The following ZDHHC14 variants were observed in gnomAD, a reference collection of about 807,000 sequenced individuals.
The protein encoded by ZDHHC14 is palmitoyltransferase ZDHHC14.
ZDHHC14 carries 16 observed loss-of-function variants against 47.7 expected under a neutral mutation model. The ratio of observed to expected loss-of-function variants is 0.34; its 90% confidence interval spans 0.23 to 0.51. ZDHHC14 has a LOEUF of 0.51. Ranked by LOEUF, ZDHHC14 falls within the 20% of genes least tolerant of loss-of-function variation. The probability of loss-of-function intolerance (pLI) is 0.97; values close to 1 mark genes in which losing one functional copy is unlikely to be tolerated. For missense variants in ZDHHC14, 515 were observed against 662.5 expected (o/e 0.78, Z 2.44); for synonymous variants, 293 against 278.9 (o/e 1.05, Z -0.50).
chr6:157,592,801 A>G, intron 2 of ZDHHC14, 187 bp from the exon 3 acceptor site: 3 of 1,412,876 alleles, frequency 2.1e-6, no homozygotes, highest in Non-Finnish European at 2.8e-6. Context: ...GCACGTGTGC[A>G]ACGAAGGAGG....
chr6:157,484,306 C>CATATATAT (rs1042050871), intron 1 of ZDHHC14, among the ~76,000 whole-genome samples: 1 of 90,160 alleles, frequency 1.1e-5, no homozygotes, highest in East Asian at 3.3e-4. Flanking sequence ...TATATATATA[C>CATATATAT]ATATATATAC....
intron 1 of ZDHHC14, among the ~76,000 whole-genome samples, chr6:157,383,193 T>C (rs2251507): frequency 0.85 from 129,262 of 152,256 alleles, 55,028 homozygotes; most frequent in Middle Eastern, 0.96. Context: ...CAATCAATTT[T>C]GGTTGCTTTT....
chr6:157,492,099 C>T (rs1779933152), intron 1 of ZDHHC14, among the ~76,000 whole-genome samples: 1 of 152,120 alleles, frequency 6.6e-6, no homozygotes, highest in Admixed American at 6.5e-5. Context: ...AGCAGCCCTC[C>T]AGGCAGGTGC....
chr6:157,424,682 A>G (rs1222025460), intron 1 of ZDHHC14, among the ~76,000 whole-genome samples: 2 of 152,218 alleles, frequency 1.3e-5, no homozygotes, highest in Non-Finnish European at 2.9e-5. Flanking sequence ...GATTTTAGTA[A>G]CATGGGGATA....
chr6:157,470,122 C>T (rs905009213), intron 1 of ZDHHC14, among the ~76,000 whole-genome samples: 3 of 152,196 alleles, frequency 2.0e-5, no homozygotes, highest in Non-Finnish European at 4.4e-5. Flanking sequence ...TATGTTCTCT[C>T]ATAGCCAAAA....
chr6:157,657,598 G>A (rs986991715), intron 8 of ZDHHC14, among the ~76,000 whole-genome samples: 15 of 152,168 alleles, frequency 9.9e-5, no homozygotes, highest in Admixed American at 6.5e-4. Context: ...TGCTAAAGAA[G>A]CCCTCCATCA....
At chr6:157,430,955 A>C (rs1778327265) in intron 1 of ZDHHC14, among the ~76,000 whole-genome samples, 1 of 152,228 alleles carries the variant, frequency 6.6e-6, no homozygotes, top group Admixed American at 6.5e-5. Flanking sequence ...TTACTTGTAA[A>C]GCCAGGTTAT....
chr6:157,531,026 G>C (rs951275475), intron 1 of ZDHHC14, among the ~76,000 whole-genome samples: 5 of 151,958 alleles, frequency 3.3e-5, no homozygotes, highest in African/African-American at 1.2e-4. Flanking sequence ...GAGATCGTTA[G>C]CTCAGAGGAG....
chr6:157,618,291 T>G (rs1785045671), intron 3 of ZDHHC14, among the ~76,000 whole-genome samples: 3 of 151,964 alleles, frequency 2.0e-5, no homozygotes, highest in South Asian at 4.2e-4. Flanking sequence ...ACGAAGACCG[T>G]TTTTGAGGCT....
chr6:157,639,841 A>T (rs1777163183), intron 5 of ZDHHC14, among the ~76,000 whole-genome samples: 1 of 152,174 alleles, frequency 6.6e-6, no homozygotes, highest in Non-Finnish European at 1.5e-5. Context: ...AGCCGTGGTG[A>T]GTTCTGTCTA....
At chr6:157,619,718 T>G (rs552486125) in intron 3 of ZDHHC14, among the ~76,000 whole-genome samples, 180 of 152,152 alleles carry the variant, frequency 1.2e-3, no homozygotes, top group Middle Eastern at 3.4e-3. Context: ...GGGTTTGTTT[T>G]TTTTTTTTAA....
chr6:157,421,592 A>G (rs930875096), intron 1 of ZDHHC14, among the ~76,000 whole-genome samples: 1 of 151,456 alleles, frequency 6.6e-6, no homozygotes, highest in Non-Finnish European at 1.5e-5. Flanking sequence ...AGTAACAACT[A>G]ACATTTGGAT....
chr6:157,610,103 T>C (rs538061984), intron 3 of ZDHHC14, among the ~76,000 whole-genome samples: 2 of 152,242 alleles, frequency 1.3e-5, no homozygotes, highest in East Asian at 3.9e-4. Flanking sequence ...ACCTTAAATA[T>C]TCACAGACAG....
chr6:157,552,553 C>T (rs1424526493), intron 2 of ZDHHC14, among the ~76,000 whole-genome samples: 1 of 152,054 alleles, frequency 6.6e-6, no homozygotes, highest in Non-Finnish European at 1.5e-5. Flanking sequence ...AGCTCAGGAA[C>T]AAAAGGAAGC....
At chr6:157,409,378 A>C (rs2114755968) in intron 1 of ZDHHC14, among the ~76,000 whole-genome samples, 1 of 152,276 alleles carries the variant, frequency 6.6e-6, no homozygotes, top group African/African-American at 2.4e-5. Context: ...CTAGAAGCAG[A>C]GGGAGCAGCG....
At chr6:157,650,063 C>A (rs1462947176) in intron 7 of ZDHHC14, among the ~76,000 whole-genome samples, 1 of 149,536 alleles carries the variant, frequency 6.7e-6, no homozygotes. Context: ...CTGTGCCAGG[C>A]GCTGTGGGTG....
chr6:157,408,995 G>C (rs1777820492), intron 1 of ZDHHC14, among the ~76,000 whole-genome samples: 1 of 152,260 alleles, frequency 6.6e-6, no homozygotes, highest in Middle Eastern at 3.4e-3. Flanking sequence ...CAGACACCAG[G>C]ATGGAAAAGA....
At chr6:157,642,411 C>T (rs1000873692) in intron 5 of ZDHHC14, among the ~76,000 whole-genome samples, 2 of 152,218 alleles carry the variant, frequency 1.3e-5, no homozygotes, top group African/African-American at 4.8e-5. Flanking sequence ...GCCTGCACTT[C>T]TGGGATTAGG....
intron 2 of ZDHHC14, among the ~76,000 whole-genome samples, chr6:157,579,936 G>C (rs1227158979): frequency 3.3e-5 from 5 of 152,160 alleles, no homozygotes; most frequent in African/African-American, 1.2e-4. Flanking sequence ...GAATAGGAGT[G>C]GTAAGAGAGG....
Sources: allele counts gnomAD v4.1 joint callset (sites outside exome capture counted in the v4.1 genomes callset), GRCh38; gene constraint gnomAD v4.1.1; transcripts MANE v1.5; gene names NCBI Gene and HGNC (gene_info 2026-07-23, HGNC 2026-07-21).